FSTL4: variants seen among roughly 807,000 people sequenced by gnomAD.
FSTL4 encodes the protein follistatin like 4, also known as follistatin-related protein 4.
In FSTL4, 28 loss-of-function variants were observed where a neutral mutation model predicts 78.2. The observed-to-expected ratio is 0.36, with a 90% CI of 0.27 to 0.49. The LOEUF (loss-of-function observed/expected upper bound fraction) is 0.49, where lower values mean the gene tolerates loss of function less well. Among genes scored for constraint, FSTL4 ranks in the 20% least tolerant of loss-of-function variants. The pLI, the probability that FSTL4 is intolerant of heterozygous loss-of-function variation, is 0.98. For missense variants in FSTL4, 922 were observed against 1,084.9 expected (o/e 0.85, Z 2.11); for synonymous variants, 422 against 440.5 (o/e 0.96, Z 0.53).
intron 3 of FSTL4, among the ~76,000 whole-genome samples, chr5:133,472,073 G>T (rs1436121128): frequency 6.6e-6 from 1 of 152,202 alleles, no homozygotes; most frequent in Non-Finnish European, 1.5e-5. Flanking sequence ...GAATTACCGT[G>T]TGGAGCAGAG....
At chr5:133,810,222 G>T in the FSTL4 span, among the ~76,000 whole-genome samples, 2 of 152,216 alleles carry the variant, frequency 1.3e-5, no homozygotes, top group Non-Finnish European at 2.9e-5. Flanking sequence ...TACTAGGGTT[G>T]CCCCTCTTAC....
rs560899067 is a variant in FSTL4 at position 133,441,783 on chromosome 5, T to TC, written c.161-40798dup. On this transcript the variant is annotated intron_variant, in intron 3 of 15. Coordinates refer to ENST00000265342, the MANE Select transcript of FSTL4 (RefSeq NM_015082.2). ...GTGCAGCAGGGTCGGCTGACACTGC[T>TC]CCGCACATGGTAGCTTCACACAGTA... is the stretch of plus-strand genomic sequence containing the variant. Among the ~76,000 whole-genome samples the TC allele has an allele frequency of 3.3e-5, 5 of 152,290 alleles. 1 individual carries two copies. In the South Asian group the frequency reaches 1.0e-3, roughly 32 times the overall value.
At chr5:133,744,722 G>A in the FSTL4 span, among the ~76,000 whole-genome samples, 2 of 152,116 alleles carry the variant, frequency 1.3e-5, no homozygotes, top group African/African-American at 4.8e-5. Flanking sequence ...AATGCAAGCA[G>A]GCATGCACCG....
At chr5:133,768,303 A>G in the FSTL4 span, among the ~76,000 whole-genome samples, 1 of 152,178 alleles carries the variant, frequency 6.6e-6, no homozygotes, top group African/African-American at 2.4e-5. Context: ...ACATTTCTGG[A>G]TAATCTGAAC....
In FSTL4 at chr5:133,313,498, G is replaced by C. The variant is rs551725234; in HGVS notation, c.604-721C>G. ...AGCCACACGTCCCAAGGTAACTAAG[G>C]GTAGAAATTCTAGGCACCCTCACTC... On this transcript the variant is annotated intron_variant, in intron 5 of 15. Transcript: ENST00000265342. Among the ~76,000 whole-genome samples the C allele has an allele frequency of 4.2e-3, 644 of 152,172 alleles. 5 individuals are homozygous for C. The highest frequency in any genetic ancestry group is 8.0e-3 in the Non-Finnish European group (542 of 68,004).
chr5:133,216,731 T>C (rs986756924), intron 13 of FSTL4, among the ~76,000 whole-genome samples: 1 of 152,226 alleles, frequency 6.6e-6, no homozygotes, highest in African/African-American at 2.4e-5. Flanking sequence ...AGCCCTTCTG[T>C]GACTTTCTCA....
chr5:133,231,690 G>A (rs1192664478), intron 8 of FSTL4, among the ~76,000 whole-genome samples: 1 of 152,004 alleles, frequency 6.6e-6, no homozygotes, highest in Non-Finnish European at 1.5e-5. Context: ...TTACAGGCAC[G>A]TGCCACCACA....
chr5:133,199,407 G>GT lies in FSTL4; in HGVS notation c.2216_2217insA (p.Phe739LeufsTer7). On this transcript the variant is annotated frameshift_variant, in exon 16 of 16. Transcript: ENST00000265342. LOFTEE classifies it low-confidence loss of function (END_TRUNC). This position sits in a 1 kb window ranked among gnomAD's most constrained non-coding sequence, Gnocchi z 4.4. ...GATTGCTTTCAGTGAAGGAGCGCTG[G>GT]AAGGCCAAGTCTGAGATGCCCGAGT... The GT allele has an allele frequency of 1.2e-6, 2 of 1,614,230 alleles. No individual in the cohort carries two copies. Among genetic ancestry groups the GT allele is most frequent in the Non-Finnish European group, 1.7e-6 (2 of 1,180,042 alleles).
intron 7 of FSTL4, among the ~76,000 whole-genome samples, chr5:133,243,500 C>T (rs1349614691): frequency 6.6e-6 from 1 of 152,182 alleles, no homozygotes; most frequent in East Asian, 1.9e-4. Flanking sequence ...TTGATACATT[C>T]CACTGGGGCC....
the FSTL4 span, among the ~76,000 whole-genome samples, chr5:133,772,676 G>A: frequency 2.7e-4 from 41 of 152,166 alleles, 1 homozygote; most frequent in Non-Finnish European, 2.9e-5. Flanking sequence ...GAGAGAGCCA[G>A]GGAGGGCCAA....
At chr5:133,418,453 C>T (rs1409562651) in intron 3 of FSTL4, among the ~76,000 whole-genome samples, 1 of 151,678 alleles carries the variant, frequency 6.6e-6, no homozygotes, top group Non-Finnish European at 1.5e-5. Flanking sequence ...CTAAATTTAC[C>T]TACAGATTTG....
At chr5:133,533,532 C>CTGTAAGTTTAT (rs1580771806) in intron 3 of FSTL4, among the ~76,000 whole-genome samples, 1 of 152,204 alleles carries the variant, frequency 6.6e-6, no homozygotes, top group East Asian at 1.9e-4. Context: ...AGGCGTGAGC[C>CTGTAAGTTTAT]ACCATGCCTG....
chr5:133,667,013 T>C, the FSTL4 span, among the ~76,000 whole-genome samples: 2 of 152,232 alleles, frequency 1.3e-5, no homozygotes, highest in African/African-American at 4.8e-5. Flanking sequence ...TGTAACCAAC[T>C]GCCTATTTAA....
At chr5:133,789,765 ACCCC>A in the FSTL4 span, among the ~76,000 whole-genome samples, 1 of 152,188 alleles carries the variant, frequency 6.6e-6, no homozygotes, top group African/African-American at 2.4e-5. Context: ...GTAGATGACC[ACCCC>A]TCACTGTCCT....
chr5:133,659,635 T>C, the FSTL4 span, among the ~76,000 whole-genome samples: 1 of 151,284 alleles, frequency 6.6e-6, no homozygotes, highest in Non-Finnish European at 1.5e-5. Context: ...ATAAAATATA[T>C]GAACATTTAT....
the FSTL4 span, among the ~76,000 whole-genome samples, chr5:133,819,704 A>G: frequency 1.3e-5 from 2 of 152,182 alleles, no homozygotes; most frequent in Non-Finnish European, 2.9e-5. Context: ...TCCACATTCA[A>G]ATTTCCAATT....
chr5:133,773,869 G>A, the FSTL4 span, among the ~76,000 whole-genome samples: 1 of 152,182 alleles, frequency 6.6e-6, no homozygotes, highest in Non-Finnish European at 1.5e-5. Context: ...TCACCCATTT[G>A]TAGAGAGCAA....
chr5:133,819,121 C>T, the FSTL4 span, among the ~76,000 whole-genome samples: 6 of 150,678 alleles, frequency 4.0e-5, no homozygotes, highest in Non-Finnish European at 5.9e-5. Context: ...CCCTGCCTTG[C>T]GTACACATGA....
chr5:133,624,134 A>G, the FSTL4 span, among the ~76,000 whole-genome samples: 44 of 152,104 alleles, frequency 2.9e-4, 1 homozygote, highest in Admixed American at 2.8e-3. Context: ...ATAAGTGCTC[A>G]AAAATTTGCA....
Sources: gnomAD v4.1 joint callset for allele counts (sites outside exome capture counted in the v4.1 genomes callset) on GRCh38, gnomAD v4.1.1 for gene constraint, Gnocchi (gnomAD v3.1) non-coding constraint, MANE v1.5 for transcripts, NCBI Gene and HGNC (gene_info 2026-07-23, HGNC 2026-07-21) for gene names.